SRBD1: variants seen among roughly 807,000 people sequenced by gnomAD.
SRBD1 encodes S1 RNA-binding domain-containing protein 1.
Under a neutral mutation model 115.3 loss-of-function variants are expected in SRBD1, and 88 were observed. The observed-to-expected ratio is 0.76, with a 90% CI of 0.64 to 0.91. The LOEUF is 0.91. Ranked by LOEUF, SRBD1 falls within the 40% of genes least tolerant of loss-of-function variation. The probability of loss-of-function intolerance (pLI) is 0.00; values close to 1 mark genes in which losing one functional copy is unlikely to be tolerated. For synonymous variants in SRBD1, 509 were observed against 407.7 expected (o/e 1.25, Z -2.99); for missense variants, 1,385 against 1,177.4 (o/e 1.18, Z -2.58).
chr2:45,600,007 A>G (rs946437336), intron 3 of SRBD1, among the ~76,000 whole-genome samples, 172 bp from the exon 4 acceptor site: 2 of 152,262 alleles, frequency 1.3e-5, no homozygotes, highest in Non-Finnish European at 2.9e-5. Flanking sequence ...TACATACTAT[A>G]TGAATACATT....
At chr2:45,443,805 G>GGA in intron 16 of SRBD1, among the ~76,000 whole-genome samples, 1 of 130,742 alleles carries the variant, frequency 7.6e-6, no homozygotes, top group African/African-American at 2.8e-5. Flanking sequence ...AAGTTATTTT[G>GGA]AAAAAAAAAA....
chr2:45,389,825 T>G (rs1290723958), intron 20 of SRBD1, among the ~76,000 whole-genome samples: 1 of 152,198 alleles, frequency 6.6e-6, no homozygotes, highest in Non-Finnish European at 1.5e-5. Flanking sequence ...TACTTCCTTC[T>G]ACAATGCTAC....
chr2:45,395,399 GAACT>G (rs1390291768), intron 19 of SRBD1, among the ~76,000 whole-genome samples: 1 of 152,140 alleles, frequency 6.6e-6, no homozygotes, highest in African/African-American at 2.4e-5. Context: ...AGGGAGAGAG[GAACT>G]AACTACTACC....
intron 5 of SRBD1, among the ~76,000 whole-genome samples, chr2:45,584,754 AGCAGTGAGT>A (rs1673465182): frequency 6.6e-6 from 1 of 152,222 alleles, no homozygotes; most frequent in Non-Finnish European, 1.5e-5. Flanking sequence ...CTCAGTTATT[AGCAGTGAGT>A]CCAGAGGCAT....
At chr2:45,566,127 C>T (rs575179734) in intron 9 of SRBD1, among the ~76,000 whole-genome samples, 4 of 152,280 alleles carry the variant, frequency 2.6e-5, no homozygotes, top group African/African-American at 9.6e-5. Context: ...GTAAAAATGG[C>T]ATAGCCACTC....
chr2:45,485,311 T>C (rs750887461), intron 15 of SRBD1, among the ~76,000 whole-genome samples: 2 of 152,212 alleles, frequency 1.3e-5, no homozygotes, highest in Non-Finnish European at 2.9e-5. Context: ...TGTTCTCAAG[T>C]TGACTAGGTG....
intron 6 of SRBD1, among the ~76,000 whole-genome samples, chr2:45,581,121 T>C (rs1673349387): frequency 6.6e-6 from 1 of 152,156 alleles, no homozygotes; most frequent in South Asian, 2.1e-4. Flanking sequence ...TTTTCAGTCT[T>C]CATTCTGCCA....
intron 14 of SRBD1, among the ~76,000 whole-genome samples, chr2:45,490,694 G>A (rs1670266077): frequency 6.6e-6 from 1 of 152,078 alleles, no homozygotes; most frequent in Admixed American, 6.5e-5. Context: ...GGGTACCTGA[G>A]AATTTGCTGG....
intron 4 of SRBD1, among the ~76,000 whole-genome samples, chr2:45,597,942 T>C (rs1673956747): frequency 6.6e-6 from 1 of 152,170 alleles, no homozygotes; most frequent in African/African-American, 2.4e-5. Flanking sequence ...TAAAACTTCT[T>C]AACTTCCTCC....
intron 14 of SRBD1, among the ~76,000 whole-genome samples, chr2:45,532,952 C>T (rs1671657630): frequency 1.3e-5 from 2 of 151,994 alleles, no homozygotes; most frequent in Non-Finnish European, 2.9e-5. Context: ...ATTTTGAATT[C>T]AACTAATGCA....
chr2:45,462,649 TAA>T (rs540175863), intron 16 of SRBD1, among the ~76,000 whole-genome samples: 11 of 130,124 alleles, frequency 8.5e-5, no homozygotes, highest in East Asian at 2.2e-4. Flanking sequence ...CCGTCTGTAC[TAA>T]AAAAAAAAAA....
intron 2 of SRBD1, among the ~76,000 whole-genome samples, chr2:45,604,361 A>C (rs1674196112): frequency 1.4e-5 from 2 of 143,348 alleles, no homozygotes; most frequent in Non-Finnish European, 3.0e-5. Context: ...AAGATCAGCT[A>C]CTAACAGGGA....
At chr2:45,563,611 A>G (rs1672738263) in intron 9 of SRBD1, among the ~76,000 whole-genome samples, 2 of 152,146 alleles carry the variant, frequency 1.3e-5, no homozygotes, top group South Asian at 4.1e-4. Flanking sequence ...GATCAGGAAC[A>G]AAAGAGAGGC....
chr2:45,537,890 G>A (rs1671813243), intron 14 of SRBD1, among the ~76,000 whole-genome samples: 1 of 152,174 alleles, frequency 6.6e-6, no homozygotes, highest in African/African-American at 2.4e-5. Flanking sequence ...AGGCAAGGAT[G>A]GGTAAGAAAG....
chr2:45,403,873 C>G (rs1175841574), intron 19 of SRBD1, among the ~76,000 whole-genome samples: 3 of 152,028 alleles, frequency 2.0e-5, no homozygotes, highest in Admixed American at 2.0e-4. Flanking sequence ...TCAGTGTTCC[C>G]CATATTCTTT....
intron 18 of SRBD1, among the ~76,000 whole-genome samples, chr2:45,414,815 T>TAGTGTGTATATAGTATGTACACACAC (rs1558563629): frequency 4.5e-4 from 13 of 28,980 alleles, no homozygotes; most frequent in South Asian, 1.6e-3. Context: ...TACACACACA[T>TAGTGTGTATATAGTATGTACACACAC]ATAGTGTGTA....
In SRBD1 at chr2:45,546,787, A is replaced by G; in HGVS notation, c.1819T>C (p.Tyr607His). The G allele has an allele frequency of 3.1e-6, 5 of 1,614,172 alleles. No individual in the cohort carries two copies. The highest frequency in any genetic ancestry group is 3.4e-6 in the Non-Finnish European group (4 of 1,180,012). ...TTCTTCATTATCAGGTCAGCAAAGTAAGCTTCTGTTTCCCTGCAGGCAGTT... is the reference window on the plus strand; with the variant it reads ...TTCTTCATTATCAGGTCAGCAAAGTGAGCTTCTGTTTCCCTGCAGGCAGTT... ...NGTACRETEA[Y>H]FADLIMKNYF... The change falls in exon 14 of 21, where the codon TAC becomes CAC. Residue 607 changes from tyrosine to histidine, a missense_variant. Physicochemically the swap from Tyr to His is moderately conservative, Grantham distance 83 (BLOSUM62 2). Coordinates refer to ENST00000263736, the MANE Select transcript of SRBD1 (RefSeq NM_018079.5).
At chr2:45,551,408 GA>G in intron 11 of SRBD1, 126 bp from the exon 12 acceptor site, 1 of 967,440 alleles carries the variant, frequency 1.0e-6, no homozygotes, top group Non-Finnish European at 1.5e-6. Flanking sequence ...TAACTTAAGA[GA>G]AAAATATACA....
At chr2:45,490,341 T>C (rs969124869) in intron 14 of SRBD1, among the ~76,000 whole-genome samples, 1 of 152,096 alleles carries the variant, frequency 6.6e-6, no homozygotes. Context: ...ATATAAATTT[T>C]CCCCCAAGGA....
Sources: gnomAD v4.1 joint callset for allele counts (sites outside exome capture counted in the v4.1 genomes callset) on GRCh38, gnomAD v4.1.1 for gene constraint, MANE v1.5 for transcripts, NCBI Gene and HGNC (gene_info 2026-07-23, HGNC 2026-07-21) for gene names.